The following NRG3 variants were observed in gnomAD, a reference collection of about 807,000 sequenced individuals.
The protein encoded by NRG3 is pro-neuregulin-3, membrane-bound isoform.
A neutral mutation model predicts 66.9 loss-of-function variants in NRG3; 31 were observed. The observed-to-expected ratio is 0.46, with a 90% CI of 0.35 to 0.63. The LOEUF (loss-of-function observed/expected upper bound fraction) is 0.63. Among genes scored for constraint, NRG3 ranks in the 20% least tolerant of loss-of-function variants. The pLI is 0.00. For synonymous variants in NRG3, 393 were observed against 359.4 expected, an observed-to-expected ratio of 1.09 and a Z score of -1.06; for missense variants, 910 against 878.9, an observed-to-expected ratio of 1.04 and a Z score of -0.45.
At chr10:82,908,474 T>C (rs1341256858) in intron 4 of NRG3, among the ~76,000 whole-genome samples, 2 of 152,196 alleles carry the variant, frequency 1.3e-5, no homozygotes, top group African/African-American at 4.8e-5. Context: ...TAATTCATTG[T>C]GTTAAATGGC....
chr10:82,908,239 A>G (rs1395210781), intron 4 of NRG3, among the ~76,000 whole-genome samples: 4 of 152,194 alleles, frequency 2.6e-5, no homozygotes, highest in Non-Finnish European at 5.9e-5. Flanking sequence ...CTGTTAACTC[A>G]CTAGGAAGGA....
intron 4 of NRG3, among the ~76,000 whole-genome samples, chr10:82,936,021 G>A (rs1232461520): frequency 6.6e-6 from 1 of 152,178 alleles, no homozygotes; most frequent in Non-Finnish European, 1.5e-5. Flanking sequence ...TTAGGAAGCA[G>A]TGTATACAGG....
At chr10:82,077,669 GT>G in intron 1 of NRG3, among the ~76,000 whole-genome samples, 1 of 152,312 alleles carries the variant, frequency 6.6e-6, no homozygotes, top group African/African-American at 2.4e-5. Context: ...ACATCTTGAA[GT>G]TTAAAGAAAT....
At chr10:82,435,432 G>C (rs775615219) in intron 2 of NRG3, among the ~76,000 whole-genome samples, 97 of 152,058 alleles carry the variant, frequency 6.4e-4, no homozygotes, top group Non-Finnish European at 1.0e-3. Context: ...AGGGCTTTTT[G>C]TGTCTTTATC....
At chr10:82,328,442 T>C (rs2081979465) in intron 1 of NRG3, among the ~76,000 whole-genome samples, 1 of 152,204 alleles carries the variant, frequency 6.6e-6, no homozygotes, top group African/African-American at 2.4e-5. Flanking sequence ...TACTATGCAA[T>C]GTGTAGTGAT....
intron 3 of NRG3, among the ~76,000 whole-genome samples, chr10:82,756,524 T>A (rs1367719122): frequency 6.6e-6 from 1 of 152,158 alleles, no homozygotes. Flanking sequence ...TCTACTGATT[T>A]ATTTGATTGT....
intron 4 of NRG3, among the ~76,000 whole-genome samples, chr10:82,925,488 A>G (rs1475706): frequency 0.88 from 133,576 of 152,254 alleles, 58,707 homozygotes; most frequent in African/African-American, 0.93. Flanking sequence ...CTCCATAAAT[A>G]TTCATGTTGT....
rs1251926395 is a variant in NRG3, at chr10:82,750,263, T to G, written c.1027+11613T>G. 6.2e-4 allele frequency among the ~76,000 whole-genome samples: 94 copies of G among 152,276 alleles called. 1 individual carries two copies. The highest frequency in any genetic ancestry group is 6.2e-3 in the Admixed American group (94 of 15,280). On this transcript the variant is annotated intron_variant, in intron 3 of 8. Transcript: ENST00000372141. Reference sequence around the variant, plus strand: ...CTGAGACAGCTATTTTCATAGAATATGATAGAGCAATTTCACCAATGTGTG... The same window carrying G: ...CTGAGACAGCTATTTTCATAGAATAGGATAGAGCAATTTCACCAATGTGTG...
intron 1 of NRG3, among the ~76,000 whole-genome samples, chr10:81,960,408 C>T (rs551705591): frequency 6.6e-6 from 1 of 151,964 alleles, no homozygotes; most frequent in East Asian, 1.9e-4. Context: ...CATTTGTATC[C>T]CACTTTATAA....
intron 2 of NRG3, among the ~76,000 whole-genome samples, chr10:82,572,407 C>G (rs665296): frequency 0.55 from 83,563 of 151,334 alleles, 24,543 homozygotes; most frequent in East Asian, 0.8. Flanking sequence ...TTAGTAAAGT[C>G]GACTCAATCA....
At chr10:82,445,179 C>T (rs1316039311) in intron 2 of NRG3, among the ~76,000 whole-genome samples, 2 of 151,462 alleles carry the variant, frequency 1.3e-5, no homozygotes, top group Non-Finnish European at 2.9e-5. Context: ...CCCAGAATGA[C>T]ATAGTTAAAT....
chr10:82,542,261 G>A (rs2043595371), intron 2 of NRG3, among the ~76,000 whole-genome samples: 1 of 152,180 alleles, frequency 6.6e-6, no homozygotes, highest in Non-Finnish European at 1.5e-5. Context: ...ACTTTTTAGA[G>A]AAATAGCTGA....
chr10:82,182,696 T>C (rs2073514132), intron 1 of NRG3, among the ~76,000 whole-genome samples: 1 of 151,984 alleles, frequency 6.6e-6, no homozygotes, highest in Non-Finnish European at 1.5e-5. Context: ...TAGTATTGTA[T>C]ATTTTTAATA....
intron 1 of NRG3, among the ~76,000 whole-genome samples, chr10:82,243,577 C>T (rs1215645295): frequency 1.3e-5 from 2 of 151,994 alleles, no homozygotes; most frequent in African/African-American, 4.8e-5. Flanking sequence ...TTACACTTTC[C>T]AACAGTGATC....
At chr10:81,941,597 T>G (rs1226457914) in intron 1 of NRG3, among the ~76,000 whole-genome samples, 1 of 152,118 alleles carries the variant, frequency 6.6e-6, no homozygotes, top group Non-Finnish European at 1.5e-5. Context: ...TCATGCTTAT[T>G]TACAAAAGCT....
At chr10:82,381,490 C>A (rs922172282) in intron 2 of NRG3, among the ~76,000 whole-genome samples, 5 of 152,082 alleles carry the variant, frequency 3.3e-5, no homozygotes, top group African/African-American at 1.2e-4. Context: ...CTCGTCCAAG[C>A]GGCAGAGCAA....
chr10:82,695,562 C>G (rs1406719632), intron 2 of NRG3, among the ~76,000 whole-genome samples: 1 of 151,870 alleles, frequency 6.6e-6, no homozygotes. Context: ...AGATAAAGGG[C>G]TAGAAGAAAA....
chr10:82,933,004 A>G (rs565395243), intron 4 of NRG3, among the ~76,000 whole-genome samples: 20 of 151,044 alleles, frequency 1.3e-4, no homozygotes, highest in African/African-American at 4.1e-4. Context: ...CTCCCTCTTT[A>G]TTCTTCTTCC....
intron 1 of NRG3, among the ~76,000 whole-genome samples, chr10:81,956,194 A>G (rs1849814616): frequency 6.6e-6 from 1 of 152,164 alleles, no homozygotes; most frequent in Non-Finnish European, 1.5e-5. Context: ...GGTGACTTCC[A>G]AAGCTGGGAC....
Sources: gnomAD v4.1 joint callset for allele counts (sites outside exome capture counted in the v4.1 genomes callset) on GRCh38, gnomAD v4.1.1 for gene constraint, MANE v1.5 for transcripts, NCBI Gene and HGNC (gene_info 2026-07-23, HGNC 2026-07-21) for gene names.